The following KAZALD1 variants were observed in gnomAD, a reference collection of about 807,000 sequenced individuals.
KAZALD1 encodes Kazal type serine peptidase inhibitor domain 1.
In KAZALD1, 31 loss-of-function variants were observed where a neutral mutation model predicts 27.7. The observed-to-expected ratio is 1.12, with a 90% CI of 0.84 to 1.51. The LOEUF is 1.51. Among genes scored for constraint, KAZALD1 ranks in the 40% most tolerant of loss-of-function variants. The probability of loss-of-function intolerance (pLI) is 0.00; values close to 1 mark genes in which losing one functional copy is unlikely to be tolerated. For synonymous variants in KAZALD1, 179 were observed against 182.0 expected (o/e 0.98, Z 0.13); for missense variants, 444 against 408.9 (o/e 1.09, Z -0.74).
At chr10:101,067,145 G>A (rs941409706), downstream of KAZALD1, 33 of 386,072 alleles carry the variant, frequency 8.5e-5, no homozygotes, top group African/African-American at 1.5e-4. Context: ...AGGGGAGGGG[G>A]AGGGAGGGGG....
chr10:101,067,567 A>G, downstream of KAZALD1: 1 of 341,276 alleles, frequency 2.9e-6, no homozygotes, highest in South Asian at 2.2e-5. Flanking sequence ...TGTGAAGAGG[A>G]AGCCAGAGGG....
intron 1 of KAZALD1, 68 bp from the exon 2 acceptor site, chr10:101,062,474 G>A: frequency 7.0e-7 from 1 of 1,430,206 alleles, no homozygotes; most frequent in South Asian, 1.4e-5. Flanking sequence ...GGTACAAGAA[G>A]CAGTGAGGTT....
chr10:101,064,061 CGTGGTACCCTT>C, intron 2 of KAZALD1, 189 bp from the exon 3 acceptor site: 1 of 614,260 alleles, frequency 1.6e-6, no homozygotes, highest in Non-Finnish European at 2.9e-6. Context: ...TCCACGTCTG[CGTGGTACCCTT>C]GTGTGTACCA....
rs1424770034 is a variant in KAZALD1, at chr10:101,065,542, A to G, written c.*622A>G. 1 of 154,716 alleles carries G rather than the reference A, an allele frequency of 6.5e-6. No homozygotes were observed. Among genetic ancestry groups the G allele is most frequent in the Non-Finnish European group, 1.4e-5 (1 of 69,746 alleles). 9.6% of individuals were successfully genotyped at this position (154,716 alleles called of 1,614,324 possible). ...GATCTTATACCACTCTGTATTGGAC[A>G]AAGGCTAGCACAGGGCTAGGCACCA... is the stretch of plus-strand genomic sequence containing the variant. On this transcript the variant is annotated 3_prime_UTR_variant, in exon 5 of 5. Coordinates refer to ENST00000370200, the MANE Select transcript of KAZALD1 (RefSeq NM_030929.5).
intron 2 of KAZALD1, 67 bp from the exon 3 acceptor site, chr10:101,064,194 T>C: frequency 7.0e-6 from 11 of 1,579,872 alleles, no homozygotes; most frequent in Non-Finnish European, 9.5e-6. Flanking sequence ...TTGTGTATCA[T>C]GTCTTTGCCA....
Position 101,066,489 on chromosome 10 carries a change from G to GC in KAZALD1, c.*1570dup. 2.2e-6 allele frequency: 1 copy of GC among 456,498 alleles called. No homozygotes were observed. The highest frequency in any genetic ancestry group is 4.4e-6 in the Non-Finnish European group (1 of 226,848). 28.3% of individuals were successfully genotyped at this position (456,498 alleles called of 1,614,324 possible). Reference sequence around the variant, plus strand: ...GGCCCTAGGAGCCGCGCACAACAGCGCAAGCGGGCTGGATACCGGGAGCCG... The same window carrying GC: ...GGCCCTAGGAGCCGCGCACAACAGCGCCAAGCGGGCTGGATACCGGGAGCCG... On this transcript the variant is annotated 3_prime_UTR_variant, in exon 5 of 5. Coordinates refer to ENST00000370200, the MANE Select transcript of KAZALD1 (RefSeq NM_030929.5).
Position 101,062,704 on chromosome 10 carries a change from T to A in KAZALD1, c.112T>A (p.Tyr38Asn). The A allele has an allele frequency of 6.5e-7, 1 of 1,534,586 alleles. No homozygotes were observed. The highest frequency in any genetic ancestry group is 2.0e-5 in the Admixed American group (1 of 51,228). ...TGARPSPGPDYLRRGWMRLLA... is the reference protein window; with the variant it reads ...TGARPSPGPDNLRRGWMRLLA... The stretch of plus-strand genomic sequence containing the variant: ...CGCAAGGCCATCCCCAGGCCCAGAT[T>A]ACCTGCGGCGCGGCTGGATGCGGCT... The change falls in exon 2 of 5, where the codon TAC becomes AAC. Residue 38 changes from tyrosine to asparagine, a missense_variant. Coordinates refer to ENST00000370200, the MANE Select transcript of KAZALD1 (RefSeq NM_030929.5).
downstream of KAZALD1, chr10:101,067,649 C>T (rs1355323908): frequency 1.2e-5 from 4 of 336,548 alleles, no homozygotes; most frequent in Middle Eastern, 1.1e-3. Context: ...CCCGGCTGCT[C>T]GTCACCGCGA....
In KAZALD1 at chr10:101,066,774, C is replaced by T. The variant is rs1939335844; in HGVS notation, c.*1854C>T. ...AGCCCCACCCCACCGGAGAGGGTCACGCAGGTCCCGGGGAATCCGCACTCC... is the reference window on the plus strand; with the variant it reads ...AGCCCCACCCCACCGGAGAGGGTCATGCAGGTCCCGGGGAATCCGCACTCC... On this transcript the variant is annotated 3_prime_UTR_variant, in exon 5 of 5. Transcript: ENST00000370200. The T allele has an allele frequency of 2.9e-6, 1 of 340,848 alleles. No homozygotes were observed. The highest frequency in any genetic ancestry group is 5.8e-6 in the Non-Finnish European group (1 of 173,144). The allele number at this position is 340,848 out of a possible 1,614,324, so 21.1% of individuals were successfully genotyped here. A position where few individuals can be genotyped will look rare whatever the true frequency, so the allele number is the denominator to read the frequency against.
intron 2 of KAZALD1, 63 bp downstream of exon 2, chr10:101,063,166 C>A: frequency 2.2e-6 from 3 of 1,373,928 alleles, no homozygotes; most frequent in Non-Finnish European, 2.9e-6. Context: ...GCTCCCCGAC[C>A]CCTGACAGCA....
In KAZALD1 at chr10:101,065,213, G is replaced by C. The variant is rs1383736234; in HGVS notation, c.*293G>C. On this transcript the variant is annotated 3_prime_UTR_variant, in exon 5 of 5. Coordinates refer to ENST00000370200, the MANE Select transcript of KAZALD1 (RefSeq NM_030929.5). Reference sequence around the variant, plus strand: ...AACAGGTTGTTTCCCAGGCTGGGGTGGGGGCCTGAGCAGACACAGAGGTGC... The same window carrying C: ...AACAGGTTGTTTCCCAGGCTGGGGTCGGGGCCTGAGCAGACACAGAGGTGC... The C allele has an allele frequency of 2.6e-6, 1 of 390,500 alleles. No individual in the cohort carries two copies. Among genetic ancestry groups the C allele is most frequent in the East Asian group, 5.0e-5 (1 of 19,882 alleles). The allele number at this position is 390,500 out of a possible 1,614,324, so 24.2% of individuals were successfully genotyped here. A position where few individuals can be genotyped will look rare whatever the true frequency, so the allele number is the denominator to read the frequency against.
rs1200321374 is a variant in KAZALD1, at chr10:101,066,303, G to A, written c.*1383G>A. The A allele has an allele frequency of 4.6e-6, 2 of 435,720 alleles. No homozygotes were observed. The highest frequency in any genetic ancestry group is 3.2e-5 in the South Asian group (2 of 62,324). 27.0% of individuals were successfully genotyped at this position (435,720 alleles called of 1,614,324 possible). A position where few individuals can be genotyped will look rare whatever the true frequency, so the allele number is the denominator to read the frequency against. ...AGTTTGTCCTCTGGGGCCCAACGCA[G>A]GGAGCCTGGCCACATGGGAGGGGTG... is the stretch of plus-strand genomic sequence containing the variant. On this transcript the variant is annotated 3_prime_UTR_variant, in exon 5 of 5. Transcript: ENST00000370200.
chr10:101,064,254 C>T lies in KAZALD1; in HGVS notation c.512-7C>T. The T allele has an allele frequency of 6.2e-7, 1 of 1,614,058 alleles. No individual in the cohort carries two copies. Among genetic ancestry groups the T allele is most frequent in the East Asian group, 2.2e-5 (1 of 44,886 alleles). Reference sequence around the variant, plus strand: ...GCTATTCTCAGACCTCCCGCCTTCACCCCCAGGGCCCCAGATCGTGTCACA... The same window carrying T: ...GCTATTCTCAGACCTCCCGCCTTCATCCCCAGGGCCCCAGATCGTGTCACA... On this transcript the variant is annotated splice_region_variant and splice_polypyrimidine_tract_variant and intron_variant, in intron 2 of 4. Coordinates refer to ENST00000370200, the MANE Select transcript of KAZALD1 (RefSeq NM_030929.5).
chr10:101,064,179 A>G, intron 2 of KAZALD1, 82 bp from the exon 3 acceptor site: 1 of 1,515,492 alleles, frequency 6.6e-7, no homozygotes, highest in Non-Finnish European at 9.1e-7. Flanking sequence ...CATGTCCACA[A>G]AAATTTGTGT....
downstream of KAZALD1, chr10:101,067,919 G>C (rs1416440788): frequency 4.2e-6 from 2 of 471,542 alleles, no homozygotes; most frequent in South Asian, 3.1e-5. Context: ...GGCGCGGGCG[G>C]TGGCGTGCGG....
intron 2 of KAZALD1, 50 bp from the exon 3 acceptor site, chr10:101,064,211 A>T: frequency 6.2e-7 from 1 of 1,605,536 alleles, no homozygotes; most frequent in Non-Finnish European, 8.5e-7. Flanking sequence ...GCCAGACTGG[A>T]TGCCTTTGCT....
downstream of KAZALD1, chr10:101,067,628 G>A (rs934636709): frequency 3.5e-5 from 12 of 338,904 alleles, no homozygotes; most frequent in African/African-American, 8.6e-5. Context: ...GTGAGGAGGA[G>A]GGCCGCTTCG....
downstream of KAZALD1, chr10:101,067,216 C>A (rs1360408527): frequency 4.4e-6 from 2 of 455,458 alleles, no homozygotes; most frequent in Non-Finnish European, 8.8e-6. Context: ...TGCCCACGGG[C>A]TTCCAAGCCA....
chr10:101,062,246 G>C (rs539843769), intron 1 of KAZALD1, 131 bp downstream of exon 1: 52 of 310,820 alleles, frequency 1.7e-4, no homozygotes, highest in African/African-American at 1.1e-3. Flanking sequence ...GCCAGGGATC[G>C]GAGTCGGGTG....
Sources: gnomAD v4.1 joint callset for allele counts on GRCh38, gnomAD v4.1.1 for gene constraint, MANE v1.5 for transcripts, NCBI Gene and HGNC (gene_info 2026-07-23, HGNC 2026-07-21) for gene names.